KANK1: variants seen among roughly 807,000 people sequenced by gnomAD.
KANK1 encodes KN motif and ankyrin repeat domain-containing protein 1.
Under a neutral mutation model 106.2 loss-of-function variants are expected in KANK1, and 109 were observed. The observed-to-expected ratio is 1.03, with a 90% CI of 0.88 to 1.20. The LOEUF (loss-of-function observed/expected upper bound fraction) is 1.20. Ranked by LOEUF, KANK1 falls within the 50% of genes most tolerant of loss-of-function variation. The probability of loss-of-function intolerance (pLI) is 0.00; values close to 1 mark genes in which losing one functional copy is unlikely to be tolerated. For missense variants in KANK1, 2,399 were observed against 1,710.7 expected (o/e 1.40, Z -7.10); for synonymous variants, 873 against 652.2 (o/e 1.34, Z -5.16).
chr9:637,541 A>G (rs80082736), intron 1 of KANK1, among the ~76,000 whole-genome samples: 1 of 152,168 alleles, frequency 6.6e-6, no homozygotes, highest in African/African-American at 2.4e-5. Flanking sequence ...AGGGATATCT[A>G]AGTCACCAAG....
intron 1 of KANK1, among the ~76,000 whole-genome samples, chr9:579,734 G>A (rs190100877): frequency 5.3e-5 from 8 of 152,154 alleles, no homozygotes; most frequent in Non-Finnish European, 8.8e-5. Flanking sequence ...GGAGTAGCTT[G>A]CATAGATGGA....
At chr9:690,358 G>A (rs1429079242) in intron 2 of KANK1, among the ~76,000 whole-genome samples, 2 of 151,090 alleles carry the variant, frequency 1.3e-5, no homozygotes, top group Non-Finnish European at 2.9e-5. Flanking sequence ...CCTAGTTTAT[G>A]GCTTTTCAGT....
In KANK1 at chr9:631,510, C is replaced by A. The variant is rs915413844; in HGVS notation, c.-83-45380C>A. ...CCTCCCTCCTAATTCCCCACTATACCTGTGCACTGAAACACCCTCTTAGGA... is the reference window on the plus strand; with the variant it reads ...CCTCCCTCCTAATTCCCCACTATACATGTGCACTGAAACACCCTCTTAGGA... On this transcript the variant is annotated intron_variant, in intron 1 of 11. Coordinates refer to ENST00000382297, the MANE Select transcript of KANK1 (RefSeq NM_015158.5). Among the ~76,000 whole-genome samples, 3 of 150,076 alleles carry A rather than the reference C, an allele frequency of 2.0e-5. No homozygotes were observed. In the Admixed American group the frequency reaches 2.0e-4, roughly 10 times the overall value.
intron 1 of KANK1, among the ~76,000 whole-genome samples, chr9:574,156 C>T (rs529181558): frequency 3.3e-5 from 5 of 152,288 alleles, no homozygotes; most frequent in Admixed American, 1.3e-4. Flanking sequence ...GTTTGAAAAG[C>T]GCAGCTCGCA....
intron 3 of KANK1, among the ~76,000 whole-genome samples, chr9:728,854 G>A (rs531016188): frequency 6.6e-6 from 1 of 152,214 alleles, no homozygotes; most frequent in South Asian, 2.1e-4. Context: ...TGAATCTACC[G>A]AAGACCTGGA....
chr9:661,298 C>A (rs182088113), intron 1 of KANK1, among the ~76,000 whole-genome samples: 62 of 149,698 alleles, frequency 4.1e-4, no homozygotes, highest in African/African-American at 1.4e-3. Context: ...CAACAGGCCC[C>A]AGTGTGTGAT....
intron 1 of KANK1, among the ~76,000 whole-genome samples, chr9:543,690 CA>C (rs1223071852): frequency 6.6e-6 from 1 of 152,116 alleles, no homozygotes; most frequent in East Asian, 1.9e-4. Context: ...GACCATTGTG[CA>C]TTATGCTGTC....
chr9:485,322 T>A (rs2058272453), intron 3 of KANK1, among the ~76,000 whole-genome samples: 1 of 152,190 alleles, frequency 6.6e-6, no homozygotes. Context: ...AAGGTATAAT[T>A]TACATACCAT....
At chr9:667,131 A>G (rs539101122) in intron 1 of KANK1, among the ~76,000 whole-genome samples, 22 of 151,312 alleles carry the variant, frequency 1.5e-4, no homozygotes, top group Admixed American at 1.2e-3. Flanking sequence ...ATTACTTGCT[A>G]TTGGTTTGTC....
At chr9:510,982 G>C (rs1030148758) in intron 1 of KANK1, among the ~76,000 whole-genome samples, 1 of 152,202 alleles carries the variant, frequency 6.6e-6, no homozygotes, top group African/African-American at 2.4e-5. Flanking sequence ...TATGTGCAAG[G>C]CCCTGGTGGG....
At position 597,500 on chromosome 9, in the gene KANK1, A is replaced by G. The variant is rs977335417; in HGVS notation, c.-83-79390A>G. Among the ~76,000 whole-genome samples the G allele has an allele frequency of 1.3e-4, 19 of 151,690 alleles. 1 individual carries two copies. The highest frequency in any genetic ancestry group is 4.1e-4 in the African/African-American group (17 of 41,042). ...TTCCATGTACACATTGGCCATTTGT[A>G]TATCTTCTTTGGAGACATGTCTGTT... On this transcript the variant is annotated intron_variant, in intron 1 of 11. Coordinates refer to ENST00000382297, the MANE Select transcript of KANK1 (RefSeq NM_015158.5).
chr9:558,506 A>G (rs185859635), intron 1 of KANK1, among the ~76,000 whole-genome samples: 21 of 152,292 alleles, frequency 1.4e-4, no homozygotes, highest in Admixed American at 9.2e-4. Flanking sequence ...TACATTGTTG[A>G]TTCATTAACA....
chr9:731,321 G>A (rs992948755), intron 5 of KANK1, 55 bp downstream of exon 5: 2 of 1,058,354 alleles, frequency 1.9e-6, no homozygotes, highest in African/African-American at 3.2e-5. Flanking sequence ...TTTACCTCCT[G>A]CCTAAGTCAC....
intron 1 of KANK1, among the ~76,000 whole-genome samples, chr9:591,816 G>T (rs12349212): frequency 6.6e-6 from 1 of 151,370 alleles, no homozygotes; most frequent in Non-Finnish European, 1.5e-5. Context: ...CCACTACGAC[G>T]CCCAGCTAAT....
intron 1 of KANK1, among the ~76,000 whole-genome samples, chr9:575,798 C>T (rs535983032): frequency 7.2e-5 from 11 of 152,082 alleles, no homozygotes; most frequent in East Asian, 1.9e-4. Flanking sequence ...AAGGCGGGCC[C>T]GATCACTTGA....
intron 1 of KANK1, among the ~76,000 whole-genome samples, chr9:664,843 C>T (rs1326190247): frequency 6.6e-6 from 1 of 152,166 alleles, no homozygotes; most frequent in Admixed American, 6.5e-5. Flanking sequence ...ATGTTATTCC[C>T]TGTCTTTTTT....
At chr9:645,902 T>A (rs1049460332) in intron 1 of KANK1, among the ~76,000 whole-genome samples, 5 of 150,848 alleles carry the variant, frequency 3.3e-5, no homozygotes, top group African/African-American at 1.2e-4. Context: ...AAACAAAGCA[T>A]TAGGAAATTA....
At chr9:620,622 G>A (rs766681860) in intron 1 of KANK1, among the ~76,000 whole-genome samples, 1 of 152,008 alleles carries the variant, frequency 6.6e-6, no homozygotes, top group Non-Finnish European at 1.5e-5. Context: ...GGCCAGGCTG[G>A]TCTCAAATGC....
At chr9:471,009 GT>G (rs1013975137) in intron 2 of KANK1, 4 of 152,190 alleles carry the variant, frequency 2.6e-5, no homozygotes, top group African/African-American at 9.7e-5. Context: ...TAATGCCAGG[GT>G]TATTGTTTTG....
Sources: gnomAD v4.1 joint callset for allele counts (sites outside exome capture counted in the v4.1 genomes callset) on GRCh38, gnomAD v4.1.1 for gene constraint, MANE v1.5 for transcripts, NCBI Gene and HGNC (gene_info 2026-07-23, HGNC 2026-07-21) for gene names.